KAT2B: variants seen among roughly 807,000 people sequenced by gnomAD.
KAT2B encodes the protein lysine acetyltransferase 2B, also known as histone acetyltransferase KAT2B.
Under a neutral mutation model 105.9 loss-of-function variants are expected in KAT2B, and 36 were observed. That is an observed-to-expected ratio of 0.34 (90% confidence interval 0.26 to 0.45). The LOEUF is 0.45. Among genes scored for constraint, KAT2B ranks in the 20% least tolerant of loss-of-function variants. The probability of loss-of-function intolerance (pLI) is 1.00; values close to 1 mark genes in which losing one functional copy is unlikely to be tolerated. For missense variants in KAT2B, 820 were observed against 1,021.6 expected (o/e 0.80, Z 2.69); for synonymous variants, 397 against 377.9 (o/e 1.05, Z -0.59).
intron 1 of KAT2B, among the ~76,000 whole-genome samples, chr3:20,069,992 A>G (rs539788740): frequency 1.3e-5 from 2 of 152,198 alleles, no homozygotes; most frequent in Admixed American, 6.5e-5. Flanking sequence ...TGGATGGTTC[A>G]TTACAGAGAA....
At chr3:20,101,562 A>C (rs1330450423) in intron 5 of KAT2B, 94 bp downstream of exon 5, 10 of 919,174 alleles carry the variant, frequency 1.1e-5, no homozygotes, top group Non-Finnish European at 1.7e-5. Flanking sequence ...CTGCCTAGTT[A>C]TCATTATGAC....
chr3:20,043,721 C>CT (rs111471660), intron 1 of KAT2B, among the ~76,000 whole-genome samples: 1 of 105,994 alleles, frequency 9.4e-6, no homozygotes, highest in African/African-American at 3.4e-5. Flanking sequence ...CTCAGATTTG[C>CT]TTTTTTTAAA....
chr3:20,043,860 G>T (rs1697761177), intron 1 of KAT2B, among the ~76,000 whole-genome samples: 1 of 152,000 alleles, frequency 6.6e-6, no homozygotes, highest in Non-Finnish European at 1.5e-5. Flanking sequence ...CTCTACCTTT[G>T]CCACAGGCCC....
At chr3:20,121,531 T>A (rs576176331) in intron 8 of KAT2B, among the ~76,000 whole-genome samples, 1 of 152,226 alleles carries the variant, frequency 6.6e-6, no homozygotes, top group East Asian at 1.9e-4. Flanking sequence ...AATGGTGAGA[T>A]TGCATCTACT....
rs1457990848 is a variant in KAT2B, at chr3:20,140,120, G to T, written c.1861-101G>T. The T allele has an allele frequency of 3.9e-6, 3 of 764,876 alleles. No homozygotes were observed. In the African/African-American group the frequency reaches 5.2e-5, roughly 13 times the overall value. 47.4% of individuals were successfully genotyped at this position (764,876 alleles called of 1,614,324 possible). On this transcript the variant is annotated intron_variant, in intron 12 of 17. Coordinates refer to ENST00000263754, the MANE Select transcript of KAT2B (RefSeq NM_003884.5). ...AGAATAGTACAATGAGAACTTCAAA[G>T]AAGCTTGTCTTGATTCCTCACACAG... is the stretch of plus-strand genomic sequence containing the variant.
At chr3:20,111,447 T>A in intron 5 of KAT2B, 149 bp from the exon 6 acceptor site, 1 of 598,960 alleles carries the variant, frequency 1.7e-6, no homozygotes. Flanking sequence ...ATTCCCAAGT[T>A]TCACTAGCTG....
chr3:20,120,542 T>G (rs1389596992), intron 8 of KAT2B, among the ~76,000 whole-genome samples: 2 of 152,172 alleles, frequency 1.3e-5, no homozygotes, highest in African/African-American at 4.8e-5. Flanking sequence ...TCTGCCTCAT[T>G]CTGTCGTCCA....
intron 1 of KAT2B, among the ~76,000 whole-genome samples, chr3:20,048,755 G>A (rs1375851451): frequency 2.6e-5 from 4 of 152,200 alleles, no homozygotes; most frequent in Non-Finnish European, 5.9e-5. Context: ...CTTTTCTGCT[G>A]TGGTCATCTG....
chr3:20,051,059 G>A lies in KAT2B; in HGVS notation c.303+10279G>A, dbSNP rs199926199. 3.3e-5 allele frequency among the ~76,000 whole-genome samples: 5 copies of A among 152,056 alleles called. No homozygotes were observed. The East Asian group carries it at 9.7e-4, about 29-fold the overall frequency. ...CTACTAAAATACAAAAATTAGCTGGGCATGGTGGCACACACCTGTAGTCCC... is the reference window on the plus strand; with the variant it reads ...CTACTAAAATACAAAAATTAGCTGGACATGGTGGCACACACCTGTAGTCCC... On this transcript the variant is annotated intron_variant, in intron 1 of 17. Transcript: ENST00000263754.
chr3:20,141,568 T>C (rs141809223), intron 13 of KAT2B, among the ~76,000 whole-genome samples: 168 of 152,286 alleles, frequency 1.1e-3, no homozygotes, highest in Non-Finnish European at 1.6e-3. Context: ...CTCTAACAAA[T>C]AGCTTAGGAG....
chr3:20,119,470 T>G, intron 7 of KAT2B, 128 bp from the exon 8 acceptor site: 1 of 878,124 alleles, frequency 1.1e-6, no homozygotes, highest in Non-Finnish European at 1.8e-6. Flanking sequence ...GCCTTGTGGC[T>G]TATGTTTTAA....
intron 2 of KAT2B, among the ~76,000 whole-genome samples, chr3:20,091,426 T>A (rs1463640166): frequency 1.3e-5 from 2 of 152,098 alleles, no homozygotes; most frequent in African/African-American, 2.4e-5. Context: ...CCATTTTTTT[T>A]ATCTTTTCAA....
At position 20,114,907 on chromosome 3, in the gene KAT2B, GTATA is replaced by G. The variant is rs774564899; in HGVS notation, c.1072_1075del (p.Tyr358ValfsTer21). Reference sequence around the variant, plus strand: ...ATTTCTGTCCATGCTAGAAGAAGAAGTATATAGTCAAAACTCTCCCATCTGGGAT... The same window carrying G: ...ATTTCTGTCCATGCTAGAAGAAGAAGTAGTCAAAACTCTCCCATCTGGGAT... On this transcript the variant is annotated frameshift_variant, in exon 7 of 18. Coordinates refer to ENST00000263754, the MANE Select transcript of KAT2B (RefSeq NM_003884.5). LOFTEE classifies it high-confidence loss of function. 1.2e-6 allele frequency: 2 copies of G among 1,608,762 alleles called. No homozygotes were observed. The highest frequency in any genetic ancestry group is 1.7e-6 in the Non-Finnish European group (2 of 1,175,468).
At chr3:20,120,104 A>G (rs979311956) in intron 8 of KAT2B, among the ~76,000 whole-genome samples, 2 of 152,086 alleles carry the variant, frequency 1.3e-5, no homozygotes, top group Admixed American at 6.5e-5. Flanking sequence ...TCCTGGGACT[A>G]TTGGGCTACC....
chr3:20,108,580 C>T (rs892784491), intron 5 of KAT2B, among the ~76,000 whole-genome samples: 2 of 152,182 alleles, frequency 1.3e-5, no homozygotes, highest in Non-Finnish European at 2.9e-5. Flanking sequence ...CAAATACTTA[C>T]CATTATGTTA....
At chr3:20,102,186 C>T (rs772521582) in intron 5 of KAT2B, among the ~76,000 whole-genome samples, 14 of 152,126 alleles carry the variant, frequency 9.2e-5, no homozygotes, top group African/African-American at 3.1e-4. Flanking sequence ...CATGGTGTCA[C>T]GTGACTGTAA....
chr3:20,111,703 G>T lies in KAT2B; in HGVS notation c.959G>T (p.Arg320Met), dbSNP rs1405816460. The T allele has an allele frequency of 5.0e-6, 8 of 1,614,024 alleles. No homozygotes were observed. The highest frequency in any genetic ancestry group is 6.8e-6 in the Non-Finnish European group (8 of 1,179,966). Residue 320 changes from arginine (R) to methionine (M), a missense_variant, in exon 6 of 18, where the codon AGG becomes ATG. This residue lies in a region of KAT2B where 173 missense variants were observed against 249.5 expected (regional missense o/e 0.69). Transcript: ENST00000263754. The part of the protein sequence containing the change: ...TLLRSVFTVM[R>M]RQLLEQARQE... ...CTTCGCTCGGTCTTCACTGTTATGA[G>T]GCGACAACTCCTGGAACAAGCAAGA...
intron 2 of KAT2B, among the ~76,000 whole-genome samples, chr3:20,080,284 G>T (rs1283586804): frequency 6.6e-6 from 1 of 152,146 alleles, no homozygotes; most frequent in African/African-American, 2.4e-5. Flanking sequence ...CCATCAGGCT[G>T]CTCCATGTTC....
chr3:20,111,726 A>C lies in KAT2B; in HGVS notation c.982A>C (p.Arg328=). ...VMRRQLLEQA[R]QEKDKLPLEK... ...GAGGCGACAACTCCTGGAACAAGCA[A>C]GACAGGAAAAAGATAAACTGCCTCT... Residue 328 remains arginine (R), a synonymous_variant, in exon 6 of 18, where the codon AGA becomes CGA. Coordinates refer to ENST00000263754, the MANE Select transcript of KAT2B (RefSeq NM_003884.5). 1 of 1,614,102 alleles carries C rather than the reference A, an allele frequency of 6.2e-7. No homozygotes were observed. Among genetic ancestry groups the C allele is most frequent in the Non-Finnish European group, 8.5e-7 (1 of 1,179,974 alleles).
Sources: gnomAD v4.1 joint callset for allele counts (sites outside exome capture counted in the v4.1 genomes callset) on GRCh38, gnomAD v4.1.1 for gene constraint, gnomAD v4.1.1 regional missense constraint, MANE v1.5 for transcripts, NCBI Gene and HGNC (gene_info 2026-07-23, HGNC 2026-07-21) for gene names.